SMYD3: variants seen among roughly 807,000 people sequenced by gnomAD.
SMYD3 encodes the protein histone-lysine N-methyltransferase SMYD3.
Under a neutral mutation model 57.7 loss-of-function variants are expected in SMYD3, and 36 were observed. The ratio of observed to expected loss-of-function variants is 0.62; its 90% CI spans 0.48 to 0.82. SMYD3 has a LOEUF of 0.82. Ranked by LOEUF, SMYD3 falls within the 40% of genes least tolerant of loss-of-function variation. The pLI is 0.00. For missense variants in SMYD3, 515 were observed against 538.8 expected (o/e 0.96, Z 0.44); for synonymous variants, 211 against 195.0 (o/e 1.08, Z -0.68).
Position 245,790,676 on chromosome 1 carries a change from A to G in SMYD3, c.1077-26527T>C, listed in dbSNP as rs917528261. Among the ~76,000 whole-genome samples the G allele has an allele frequency of 2.6e-5, 4 of 152,186 alleles. 1 individual carries two copies. Among genetic ancestry groups the G allele is most frequent in the African/African-American group, 7.2e-5 (3 of 41,450 alleles). On this transcript the variant is annotated intron_variant, in intron 10 of 11. Transcript: ENST00000490107. ...GAATTTCTGCCACAGATAAGCCACA[A>G]TGGGGGATGAGTGTACTCTGTGATT...
chr1:246,457,462 T>C (rs2067715519), intron 1 of SMYD3, among the ~76,000 whole-genome samples: 1 of 139,072 alleles, frequency 7.2e-6, no homozygotes, highest in Non-Finnish European at 1.5e-5. Context: ...GCACCTGGGA[T>C]GCGGAGGGTG....
intron 5 of SMYD3, among the ~76,000 whole-genome samples, chr1:246,123,975 T>G (rs7521218): frequency 0.7 from 106,868 of 151,758 alleles, 38,210 homozygotes; most frequent in Admixed American, 0.83. Context: ...TATATCTATA[T>G]CTACGAATAT....
chr1:246,410,837 T>A (rs1191342434), intron 1 of SMYD3, among the ~76,000 whole-genome samples: 1 of 152,144 alleles, frequency 6.6e-6, no homozygotes, highest in Non-Finnish European at 1.5e-5. Flanking sequence ...AATTATTGCC[T>A]CAATTTCAGA....
rs1267465489 is a variant in SMYD3 at position 245,983,848 on chromosome 1, C to A, written c.532-53911G>T. ...TAGCAAGAAGAACAGTCAGCTCCTGCTGAGAAAGGGCCAGGAGGAAGAGTG... is the reference window on the plus strand; with the variant it reads ...TAGCAAGAAGAACAGTCAGCTCCTGATGAGAAAGGGCCAGGAGGAAGAGTG... On this transcript the variant is annotated intron_variant, in intron 5 of 11. Transcript: ENST00000490107. Among the ~76,000 whole-genome samples the A allele has an allele frequency of 2.0e-5, 3 of 152,072 alleles. No homozygotes were observed. The East Asian group carries it at 5.8e-4, about 29-fold the overall frequency.
chr1:245,762,862 T>C (rs1201715244), intron 11 of SMYD3, among the ~76,000 whole-genome samples: 1 of 152,198 alleles, frequency 6.6e-6, no homozygotes, highest in East Asian at 1.9e-4. Flanking sequence ...ACCGTCACTC[T>C]TCTGCACACA....
intron 5 of SMYD3, among the ~76,000 whole-genome samples, chr1:246,291,200 T>G (rs2064683392): frequency 6.6e-6 from 1 of 152,010 alleles, no homozygotes; most frequent in South Asian, 2.1e-4. Context: ...TAGGGAAACG[T>G]TCCCCTCTGG....
chr1:246,245,541 T>C (rs1052605755), intron 5 of SMYD3, among the ~76,000 whole-genome samples: 1 of 152,120 alleles, frequency 6.6e-6, no homozygotes, highest in Non-Finnish European at 1.5e-5. Flanking sequence ...ATCTCACACT[T>C]AGGAAAATCT....
intron 8 of SMYD3, among the ~76,000 whole-genome samples, chr1:245,866,010 G>T (rs2051815430): frequency 6.6e-6 from 1 of 152,190 alleles, no homozygotes; most frequent in African/African-American, 2.4e-5. Context: ...ATAAGGGTGA[G>T]GAACGAGGGA....
At chr1:246,457,542 AAAAAAAG>A (rs1481639674) in intron 1 of SMYD3, among the ~76,000 whole-genome samples, 4 of 95,814 alleles carry the variant, frequency 4.2e-5, no homozygotes, top group African/African-American at 1.4e-4. Flanking sequence ...CAAAAAAAAA[AAAAAAAG>A]AAAAGAAAAG....
At chr1:245,919,609 G>T (rs2055714222) in intron 7 of SMYD3, among the ~76,000 whole-genome samples, 1 of 151,960 alleles carries the variant, frequency 6.6e-6, no homozygotes, top group African/African-American at 2.4e-5. Flanking sequence ...CATATTTTTG[G>T]GAAAAAACAG....
chr1:246,219,160 T>C (rs1167492322), intron 5 of SMYD3, among the ~76,000 whole-genome samples: 2 of 152,092 alleles, frequency 1.3e-5, no homozygotes, highest in Non-Finnish European at 2.9e-5. Flanking sequence ...CCTCAAACCA[T>C]GGCCCAAAGT....
intron 5 of SMYD3, among the ~76,000 whole-genome samples, chr1:245,989,568 A>C (rs2058773037): frequency 6.6e-6 from 1 of 152,224 alleles, no homozygotes; most frequent in Non-Finnish European, 1.5e-5. Flanking sequence ...TCAATGCCAC[A>C]TGAGTGGTTA....
intron 5 of SMYD3, among the ~76,000 whole-genome samples, chr1:246,196,724 T>C (rs1368952190): frequency 1.3e-5 from 2 of 152,186 alleles, no homozygotes; most frequent in Admixed American, 6.5e-5. Context: ...TTGCTTAGTA[T>C]AGCAGCTCAA....
intron 1 of SMYD3, among the ~76,000 whole-genome samples, chr1:246,383,646 T>C (rs1219481815): frequency 6.6e-6 from 1 of 152,244 alleles, no homozygotes; most frequent in African/African-American, 2.4e-5. Context: ...GCTGTTATGA[T>C]GCTTTTTGGA....
intron 5 of SMYD3, among the ~76,000 whole-genome samples, chr1:246,177,873 C>T (rs532184716): frequency 6.6e-6 from 1 of 152,298 alleles, no homozygotes; most frequent in Admixed American, 6.5e-5. Context: ...GACGGATGTT[C>T]TCAACATTTC....
intron 5 of SMYD3, among the ~76,000 whole-genome samples, chr1:246,188,150 T>C (rs1428912510): frequency 6.6e-6 from 1 of 152,238 alleles, no homozygotes; most frequent in East Asian, 1.9e-4. Context: ...GAAGTCAAAC[T>C]ACTATCAGAA....
At chr1:245,754,768 C>T (rs2045538919) in intron 11 of SMYD3, among the ~76,000 whole-genome samples, 1 of 152,250 alleles carries the variant, frequency 6.6e-6, no homozygotes. Context: ...TCACTCAATA[C>T]TGTCTGAGCA....
intron 5 of SMYD3, among the ~76,000 whole-genome samples, chr1:246,004,031 G>A (rs886845769): frequency 1.8e-5 from 1 of 56,468 alleles, no homozygotes; most frequent in African/African-American, 3.3e-5. Context: ...ATTGGAATTC[G>A]GGCACCGCCA....
intron 5 of SMYD3, among the ~76,000 whole-genome samples, chr1:246,078,018 G>A (rs77363362): frequency 6.6e-6 from 1 of 151,682 alleles, no homozygotes; most frequent in Non-Finnish European, 1.5e-5. Flanking sequence ...CTTTTAAAGT[G>A]CCTTTCATAA....
Sources: gnomAD v4.1 joint callset for allele counts (sites outside exome capture counted in the v4.1 genomes callset) on GRCh38, gnomAD v4.1.1 for gene constraint, MANE v1.5 for transcripts, NCBI Gene and HGNC (gene_info 2026-07-23, HGNC 2026-07-21) for gene names.